The following SERINC5 variants were observed in gnomAD, a reference collection of about 807,000 sequenced individuals.
The protein encoded by SERINC5 is chromosome 5 open reading frame 12.
Under a neutral mutation model 63.1 loss-of-function variants are expected in SERINC5, and 41 were observed. That is an observed-to-expected ratio of 0.65 (90% CI 0.51 to 0.84). The LOEUF (loss-of-function observed/expected upper bound fraction) is 0.84, where lower values mean the gene tolerates loss of function less well. Ranked by LOEUF, SERINC5 falls within the 40% of genes least tolerant of loss-of-function variation. The pLI is 0.00. For synonymous variants in SERINC5, 222 were observed against 215.2 expected (o/e 1.03, Z -0.28); for missense variants, 523 against 573.0 (o/e 0.91, Z 0.89).
intron 2 of SERINC5, among the ~76,000 whole-genome samples, chr5:80,190,915 G>A (rs986292930): frequency 1.3e-5 from 2 of 151,462 alleles, no homozygotes; most frequent in African/African-American, 4.9e-5. Context: ...GAACTAGGGT[G>A]CCCAGACCCT....
chr5:80,158,668 A>C (rs1746687912), intron 8 of SERINC5, 168 bp downstream of exon 8: 1 of 586,106 alleles, frequency 1.7e-6, no homozygotes. Context: ...AAAACAAGTA[A>C]GGTGAACGAA....
chr5:80,194,033 A>G (rs1304569181), intron 2 of SERINC5, among the ~76,000 whole-genome samples: 2 of 152,188 alleles, frequency 1.3e-5, no homozygotes, highest in African/African-American at 4.8e-5. Context: ...TTGAGGTTCG[A>G]TGGTCCCAAC....
At chr5:80,193,836 A>T (rs1332862056) in intron 2 of SERINC5, among the ~76,000 whole-genome samples, 1 of 152,208 alleles carries the variant, frequency 6.6e-6, no homozygotes, top group Non-Finnish European at 1.5e-5. Flanking sequence ...GCTTTCTCTC[A>T]CATGTTATCT....
intron 5 of SERINC5, among the ~76,000 whole-genome samples, chr5:80,173,590 T>C (rs540219981): frequency 6.7e-6 from 1 of 148,714 alleles, no homozygotes; most frequent in African/African-American, 2.4e-5. Context: ...AACGAGACTC[T>C]GTCTCAAAAG....
At chr5:80,158,547 C>T (rs1746680117) in intron 8 of SERINC5, 3 of 299,062 alleles carry the variant, frequency 1.0e-5, no homozygotes, top group Non-Finnish European at 1.9e-5. Flanking sequence ...GGTTAGGCAA[C>T]GGTGCTGCAA....
intron 11 of SERINC5, among the ~76,000 whole-genome samples, chr5:80,119,747 A>T (rs1744470369): frequency 6.6e-6 from 1 of 152,352 alleles, no homozygotes; most frequent in South Asian, 2.1e-4. Context: ...ATTACAGCAC[A>T]TCTGAATAAC....
At chr5:80,178,902 C>T (rs1748234209) in intron 2 of SERINC5, among the ~76,000 whole-genome samples, 1 of 152,068 alleles carries the variant, frequency 6.6e-6, no homozygotes, top group South Asian at 2.1e-4. Context: ...ATACACAACA[C>T]ACATACATAC....
intron 11 of SERINC5, among the ~76,000 whole-genome samples, chr5:80,119,189 G>T (rs1744446375): frequency 6.6e-6 from 1 of 152,192 alleles, no homozygotes. Context: ...AAGCTAATAT[G>T]TTAAAAGTAC....
chr5:80,194,527 C>T (rs1580147480), intron 2 of SERINC5, among the ~76,000 whole-genome samples: 1 of 152,176 alleles, frequency 6.6e-6, no homozygotes, highest in Admixed American at 6.5e-5. Flanking sequence ...TTCTATTTTA[C>T]ATGTAAAGCC....
chr5:80,173,039 T>C (rs1007575143), intron 5 of SERINC5, among the ~76,000 whole-genome samples: 10 of 152,054 alleles, frequency 6.6e-5, no homozygotes, highest in African/African-American at 2.2e-4. Context: ...TTCCTGATAT[T>C]GACACCCCCA....
chr5:80,209,284 T>A (rs1750323937), intron 1 of SERINC5, among the ~76,000 whole-genome samples: 1 of 152,154 alleles, frequency 6.6e-6, no homozygotes, highest in Non-Finnish European at 1.5e-5. Context: ...GAAAAAGGTA[T>A]TTAAAAGTTA....
intron 1 of SERINC5, among the ~76,000 whole-genome samples, chr5:80,249,308 C>CT (rs374590894): frequency 2.1e-4 from 32 of 151,002 alleles, no homozygotes; most frequent in African/African-American, 7.3e-4. Flanking sequence ...CAGCGAGACT[C>CT]TGTCTCCAAA....
chr5:80,162,417 A>G (rs1000027701), intron 7 of SERINC5, among the ~76,000 whole-genome samples: 5 of 152,132 alleles, frequency 3.3e-5, no homozygotes, highest in Non-Finnish European at 5.9e-5. Flanking sequence ...TCTTTCACCC[A>G]GTCTGGAGTA....
intron 1 of SERINC5, among the ~76,000 whole-genome samples, chr5:80,228,538 C>T (rs1751278383): frequency 6.6e-6 from 1 of 152,102 alleles, no homozygotes; most frequent in South Asian, 2.1e-4. Flanking sequence ...TCTTTGGAGC[C>T]TTGAACTCCT....
chr5:80,122,742 T>C (rs539540724), intron 11 of SERINC5, among the ~76,000 whole-genome samples: 2 of 152,322 alleles, frequency 1.3e-5, no homozygotes, highest in East Asian at 1.9e-4. Flanking sequence ...TCAAGTGCCA[T>C]TGCTGCTTGA....
At position 80,169,327 on chromosome 5, in the gene SERINC5, A is replaced by G; in HGVS notation, c.763+8T>C. 6.2e-7 allele frequency: 1 copy of G among 1,610,930 alleles called. No individual in the cohort carries two copies. Among genetic ancestry groups the G allele is most frequent in the Non-Finnish European group, 8.5e-7 (1 of 1,177,476 alleles). ...TAAGTAACGAAGAATGGAAAAAAAC[A>G]TGCTTACGATTTTGGACCCAGGGTG... On this transcript the variant is annotated splice_region_variant and intron_variant, in intron 6 of 11. Transcript: ENST00000507668.
At chr5:80,239,720 C>A (rs953986811) in intron 1 of SERINC5, among the ~76,000 whole-genome samples, 2 of 152,108 alleles carry the variant, frequency 1.3e-5, no homozygotes, top group African/African-American at 4.8e-5. Flanking sequence ...CTGTATCCCT[C>A]CCCAGGATAC....
chr5:80,234,099 C>T (rs953574739), intron 1 of SERINC5, among the ~76,000 whole-genome samples: 1 of 152,078 alleles, frequency 6.6e-6, no homozygotes, highest in Non-Finnish European at 1.5e-5. Flanking sequence ...CGTGAGCCAC[C>T]ATGCCCGACC....
chr5:80,134,018 T>C (rs1473511622), downstream of SERINC5, among the ~76,000 whole-genome samples: 2 of 152,212 alleles, frequency 1.3e-5, no homozygotes, highest in East Asian at 3.9e-4. Context: ...AAATACCTGT[T>C]ATCTGGAGGA....
Sources: gnomAD v4.1 joint callset for allele counts (sites outside exome capture counted in the v4.1 genomes callset) on GRCh38, gnomAD v4.1.1 for gene constraint, MANE v1.5 for transcripts, NCBI Gene and HGNC (gene_info 2026-07-23, HGNC 2026-07-21) for gene names.